The following LRRC27 variants were observed in gnomAD, a reference collection of about 807,000 sequenced individuals.
LRRC27 encodes the protein leucine-rich repeat-containing protein 27.
In LRRC27, 57 loss-of-function variants were observed where a neutral mutation model predicts 55.0. The observed-to-expected ratio is 1.04, with a 90% CI of 0.84 to 1.29. The LOEUF (loss-of-function observed/expected upper bound fraction) is 1.29. Ranked by LOEUF, LRRC27 falls within the 50% of genes most tolerant of loss-of-function variation. LRRC27 has a pLI of 0.00. For missense variants in LRRC27, 721 were observed against 651.5 expected (o/e 1.11, Z -1.16); for synonymous variants, 278 against 251.9 (o/e 1.10, Z -0.98).
At chr10:132,367,438 A>G (rs1342567719) in intron 10 of LRRC27, among the ~76,000 whole-genome samples, 1 of 152,238 alleles carries the variant, frequency 6.6e-6, no homozygotes, top group African/African-American at 2.4e-5. Context: ...CCATACAAAG[A>G]TATTACAAGA....
At chr10:132,335,486 C>T (rs1280265180) in intron 2 of LRRC27, among the ~76,000 whole-genome samples, 1 of 146,766 alleles carries the variant, frequency 6.8e-6, no homozygotes, top group Non-Finnish European at 1.5e-5. Context: ...GGGGGGGGGT[C>T]ACAGTCTTCC....
intron 4 of LRRC27, among the ~76,000 whole-genome samples, chr10:132,342,617 G>A (rs763509099): frequency 2.0e-4 from 30 of 152,168 alleles, no homozygotes; most frequent in South Asian, 2.1e-4. Flanking sequence ...TACCACTTAC[G>A]TATGTTCCTA....
intron 8 of LRRC27, among the ~76,000 whole-genome samples, chr10:132,357,193 C>T (rs1440072257): frequency 6.6e-6 from 1 of 152,222 alleles, no homozygotes; most frequent in African/African-American, 2.4e-5. Flanking sequence ...TCACAGTGTC[C>T]AATGCGTTGG....
chr10:132,354,767 C>A (rs1437672453), intron 7 of LRRC27, among the ~76,000 whole-genome samples: 1 of 152,186 alleles, frequency 6.6e-6, no homozygotes, highest in East Asian at 1.9e-4. Flanking sequence ...GAAAACCCGG[C>A]CTGGGGCCCA....
At position 132,380,135 on chromosome 10, in the gene LRRC27, A is replaced by G. The variant is rs1307662151; in HGVS notation, c.*4893A>G. Among the ~76,000 whole-genome samples, 1 of 152,140 alleles carries G rather than the reference A, an allele frequency of 6.6e-6. No homozygotes were observed. Among genetic ancestry groups the G allele is most frequent in the Non-Finnish European group, 1.5e-5 (1 of 68,022 alleles). On this transcript the variant is annotated 3_prime_UTR_variant, in exon 11 of 11. Coordinates refer to ENST00000368614, the MANE Select transcript of LRRC27 (RefSeq NM_030626.3). Reference sequence around the variant, plus strand: ...AACATGGAGAAACCCCGTGACTACTAAAAATAAAAAATTAGCCAGGCATGG... The same window carrying G: ...AACATGGAGAAACCCCGTGACTACTGAAAATAAAAAATTAGCCAGGCATGG...
chr10:132,364,730 A>ACTCACACCCACG (rs2068942889), intron 9 of LRRC27, among the ~76,000 whole-genome samples: 1 of 40,272 alleles, frequency 2.5e-5, no homozygotes, highest in African/African-American at 5.7e-5. Flanking sequence ...CCGCGTCCAC[A>ACTCACACCCACG]CTTACATCTA....
At chr10:132,352,010 G>A (rs976575871) in intron 7 of LRRC27, among the ~76,000 whole-genome samples, 2 of 119,880 alleles carry the variant, frequency 1.7e-5, no homozygotes, top group African/African-American at 7.7e-5. Context: ...AGCGCTCCGT[G>A]TGGGGCAGGC....
At chr10:132,364,418 C>CTTACATCTACCTCCACACCCACAA (rs1564853269) in intron 9 of LRRC27, among the ~76,000 whole-genome samples, 3 of 127,794 alleles carry the variant, frequency 2.3e-5, no homozygotes, top group African/African-American at 5.6e-5. Context: ...CACACCCGCG[C>CTTACATCTACCTCCACACCCACAA]TTACACCCAC....
intron 9 of LRRC27, among the ~76,000 whole-genome samples, chr10:132,365,065 T>C (rs998536876): frequency 3.3e-5 from 5 of 152,276 alleles, no homozygotes. Context: ...GTGTATTCCA[T>C]GTGGGAACAG....
chr10:132,355,955 C>A, intron 8 of LRRC27, 69 bp downstream of exon 8: 1 of 1,095,152 alleles, frequency 9.1e-7, no homozygotes, highest in Non-Finnish European at 1.3e-6. Flanking sequence ...TCACAGGCAT[C>A]CCTGTCCATG....
At chr10:132,358,023 A>G (rs890856376) in intron 8 of LRRC27, among the ~76,000 whole-genome samples, 1 of 152,234 alleles carries the variant, frequency 6.6e-6, no homozygotes, top group African/African-American at 2.4e-5. Context: ...TGGCCCAGGC[A>G]CTGGTGAGAT....
Position 132,375,420 on chromosome 10 carries a change from G to GACA in LRRC27, c.*178_*179insACA, listed in dbSNP as rs371136406. ...GTCCACGTCCCTCTCCTGAGGCTGT[G>GACA]GAAGATTTCAGCCGTATTAAAAGAA... On this transcript the variant is annotated 3_prime_UTR_variant, in exon 11 of 11. Coordinates refer to ENST00000368614, the MANE Select transcript of LRRC27 (RefSeq NM_030626.3). 373 of 560,830 alleles carry GACA rather than the reference G, an allele frequency of 6.7e-4. No homozygotes were observed. The highest frequency in any genetic ancestry group is 6.4e-3 in the African/African-American group (337 of 52,526). 34.7% of individuals were successfully genotyped at this position (560,830 alleles called of 1,614,324 possible).
chr10:132,344,586 T>C lies in LRRC27; in HGVS notation c.489T>C (p.Ala163=). The change falls in exon 5 of 11, where the codon GCT becomes GCC. Residue 163 remains alanine, a synonymous_variant. Coordinates refer to ENST00000368614, the MANE Select transcript of LRRC27 (RefSeq NM_030626.3). ...PQLVVQKGLV[A]IQRFLRMWAV... ...TCGTTGTGCAGAAGGGATTGGTGGC[T>C]ATCCAGCGCTTCCTGCGGATGTGGG... 3.1e-6 allele frequency: 5 copies of C among 1,614,220 alleles called. No individual in the cohort carries two copies. Among genetic ancestry groups the C allele is most frequent in the Non-Finnish European group, 4.2e-6 (5 of 1,180,028 alleles).
upstream of LRRC27, among the ~76,000 whole-genome samples, chr10:132,330,118 T>C (rs1038095062): frequency 5.9e-5 from 9 of 152,176 alleles, no homozygotes; most frequent in Non-Finnish European, 5.9e-5. Flanking sequence ...CCAAGAATAC[T>C]TGCCAAAAGG....
chr10:132,355,428 G>C (rs751442000), intron 7 of LRRC27, among the ~76,000 whole-genome samples: 1 of 152,152 alleles, frequency 6.6e-6, no homozygotes, highest in South Asian at 2.1e-4. Context: ...ACAAGTGCCC[G>C]CAGCCAGGCA....
intron 9 of LRRC27, among the ~76,000 whole-genome samples, chr10:132,364,383 TTACACCCACCCTTACATCTACCTC>T: frequency 5.8e-5 from 3 of 51,684 alleles, no homozygotes; most frequent in African/African-American, 2.7e-4. Flanking sequence ...CCACCCACAC[TTACACCCACCCTTACATCTACCTC>T]CACACCCGCG....
intron 7 of LRRC27, chr10:132,353,168 C>A: frequency 7.0e-7 from 1 of 1,427,236 alleles, no homozygotes; most frequent in Non-Finnish European, 9.1e-7. Context: ...AGCAGGAGGT[C>A]GAGGAGGAAG....
rs1308038628 is a variant in LRRC27 at position 132,376,631 on chromosome 10, A to C, written c.*1389A>C. On this transcript the variant is annotated 3_prime_UTR_variant, in exon 11 of 11. Transcript: ENST00000368614. ...TTCCAAGGTGCTCACCTGGTTGTTG[A>C]TCAGAGAGCGTGTCCGTTGTGATCC... 1 of 152,330 alleles carries C rather than the reference A, an allele frequency of 6.6e-6. No individual in the cohort carries two copies. The highest frequency in any genetic ancestry group is 1.9e-4 in the East Asian group (1 of 5,204). The allele number at this position is 152,330 out of a possible 1,614,324, so 9.4% of individuals were successfully genotyped here. A position where few individuals can be genotyped will look rare whatever the true frequency, so the allele number is the denominator to read the frequency against.
Position 132,348,848 on chromosome 10 carries a change from C to A in LRRC27, c.926+492C>A. 1 of 686,260 alleles carries A rather than the reference C, an allele frequency of 1.5e-6. No individual in the cohort carries two copies. Among genetic ancestry groups the A allele is most frequent in the Non-Finnish European group, 2.5e-6 (1 of 397,122 alleles). The allele number at this position is 686,260 out of a possible 1,614,324, so 42.5% of individuals were successfully genotyped here. A position where few individuals can be genotyped will look rare whatever the true frequency, so the allele number is the denominator to read the frequency against. On this transcript the variant is annotated intron_variant, in intron 6 of 10. Coordinates refer to ENST00000368614, the MANE Select transcript of LRRC27 (RefSeq NM_030626.3). This position sits in a 1 kb window ranked among gnomAD's most constrained non-coding sequence, Gnocchi z 4.2. ...GGTCAGTTATGCAGAAAATAAATGG[C>A]AGCTGCCTGGGGACAAAAGGAAGGC...
Sources: allele counts gnomAD v4.1 joint callset (sites outside exome capture counted in the v4.1 genomes callset), GRCh38; gene constraint gnomAD v4.1.1; non-coding constraint Gnocchi (gnomAD v3.1); transcripts MANE v1.5; gene names NCBI Gene and HGNC (gene_info 2026-07-23, HGNC 2026-07-21).